Variants in COL6A5 observed in about 807,000 individuals in gnomAD.
COL6A5 encodes the protein collagen type VI alpha 5 chain, also known as collagen alpha-5(VI) chain.
In COL6A5, 48 loss-of-function variants were observed where a neutral mutation model predicts 65.6. The observed-to-expected ratio is 0.73, with a 90% CI of 0.58 to 0.93. COL6A5 has a LOEUF of 0.93. Among genes scored for constraint, COL6A5 ranks in the 40% least tolerant of loss-of-function variants. COL6A5 has a pLI of 0.00. For synonymous variants in COL6A5, 291 were observed against 322.8 expected (o/e 0.90, Z 1.05); for missense variants, 914 against 928.3 (o/e 0.98, Z 0.20).
intron 25 of COL6A5, among the ~76,000 whole-genome samples, chr3:130,419,157 T>C (rs1334456131): frequency 2.6e-5 from 4 of 152,056 alleles, no homozygotes; most frequent in Admixed American, 2.6e-4. Flanking sequence ...GCAGAGAGGA[T>C]AATGGATGAG....
intron 7 of COL6A5, chr3:130,476,825 T>C: frequency 1.6e-6 from 1 of 639,978 alleles, no homozygotes; most frequent in Non-Finnish European, 2.9e-6. Flanking sequence ...ATTTTTCTGT[T>C]GTAATGATAT....
At chr3:130,408,454 G>A (rs944317212) in intron 17 of COL6A5, among the ~76,000 whole-genome samples, 5 of 152,130 alleles carry the variant, frequency 3.3e-5, no homozygotes, top group African/African-American at 1.2e-4. Flanking sequence ...CGCGAACACT[G>A]TTTCCTGTTA....
chr3:130,355,322 GATA>G (rs1193219951), intron 1 of COL6A5, among the ~76,000 whole-genome samples: 17 of 152,098 alleles, frequency 1.1e-4, no homozygotes, highest in African/African-American at 3.1e-4. Context: ...AAATTTAAAA[GATA>G]ATTTCATGAT....
In COL6A5 at chr3:130,395,593, G is replaced by C. The variant is rs1936571744; in HGVS notation, c.3568+128G>C. 9 of 760,104 alleles carry C rather than the reference G, an allele frequency of 1.2e-5. No individual in the cohort carries two copies. In the South Asian group the frequency reaches 1.7e-4, roughly 14 times the overall value. The allele number at this position is 760,104 out of a possible 1,614,324, so 47.1% of individuals were successfully genotyped here. On this transcript the variant is annotated intron_variant and NMD_transcript_variant, in intron 8 of 41. Coordinates refer to the COL6A5 transcript ENST00000312481. ...TATATTTAGTGAGAATATCTCACTT[G>C]TTGTGCAATGAGAAGAGACTTCTCT...
intron 7 of COL6A5, among the ~76,000 whole-genome samples, chr3:130,472,856 T>TATATATATATATATAC (rs752157374): frequency 8.4e-5 from 12 of 143,374 alleles, no homozygotes; most frequent in Non-Finnish European, 1.4e-4. Flanking sequence ...TATATATATA[T>TATATATATATATATAC]ATACACATTT....
intron 3 of COL6A5, among the ~76,000 whole-genome samples, chr3:130,377,854 A>G (rs1935842923): frequency 6.6e-6 from 1 of 152,186 alleles, no homozygotes; most frequent in Non-Finnish European, 1.5e-5. Flanking sequence ...ATAAATACTA[A>G]CCTGAGAAGG....
chr3:130,435,891 T>A (rs1709017568), intron 1 of COL6A5, among the ~76,000 whole-genome samples: 1 of 152,002 alleles, frequency 6.6e-6, no homozygotes, highest in African/African-American at 2.4e-5. Flanking sequence ...ACAGACAACT[T>A]GACTTCCTCT....
intron 7 of COL6A5, among the ~76,000 whole-genome samples, chr3:130,394,108 G>A (rs986373477): frequency 2.0e-5 from 3 of 152,184 alleles, no homozygotes; most frequent in African/African-American, 7.2e-5. Flanking sequence ...TTGGAAATGA[G>A]TATAGAAAGT....
chr3:130,381,421 C>T (rs546379108), intron 4 of COL6A5, among the ~76,000 whole-genome samples: 1 of 151,894 alleles, frequency 6.6e-6, no homozygotes, highest in South Asian at 2.1e-4. Context: ...ATATATAGGC[C>T]AATGTTTTGT....
chr3:130,477,089 A>G, intron 7 of COL6A5: 2 of 1,517,762 alleles, frequency 1.3e-6, no homozygotes, highest in Non-Finnish European at 1.8e-6. Context: ...AGAATTCAGT[A>G]ATTAATCCAA....
In COL6A5 at chr3:130,384,790, C is replaced by T. The variant is rs1033949085; in HGVS notation, c.1301-14C>T. Reference sequence around the variant, plus strand: ...TAGGTTCTCTAATTTACAGAGAATGCACTTCTTTTTCAGGCTGTGTGGATA... The same window carrying T: ...TAGGTTCTCTAATTTACAGAGAATGTACTTCTTTTTCAGGCTGTGTGGATA... On this transcript the variant is annotated splice_polypyrimidine_tract_variant and intron_variant and NMD_transcript_variant, in intron 4 of 41. Coordinates refer to the COL6A5 transcript ENST00000312481. The T allele has an allele frequency of 8.2e-5, 124 of 1,515,728 alleles. No homozygotes were observed. Among genetic ancestry groups the T allele is most frequent in the Non-Finnish European group, 1.1e-4 (120 of 1,131,568 alleles). 93.9% of individuals were successfully genotyped at this position (1,515,728 alleles called of 1,614,324 possible).
intron 5 of COL6A5, among the ~76,000 whole-genome samples, chr3:130,463,937 T>C (rs922107604): frequency 1.3e-5 from 2 of 152,032 alleles, no homozygotes; most frequent in Non-Finnish European, 2.9e-5. Flanking sequence ...TTTTTAGACA[T>C]TTTGTAGATG....
rs976950661 is a variant in COL6A5, at chr3:130,362,239, G to T, written c.-28-11372G>T. On this transcript the variant is annotated intron_variant and NMD_transcript_variant, in intron 1 of 41. Transcript: ENST00000312481. ...CATTTTGAGATAATTTTTGGGAAGGGTGTAAGGTTTCTTTCTCTCTCTCTC... is the reference window on the plus strand; with the variant it reads ...CATTTTGAGATAATTTTTGGGAAGGTTGTAAGGTTTCTTTCTCTCTCTCTC... Among the ~76,000 whole-genome samples the T allele has an allele frequency of 1.3e-4, 12 of 91,230 alleles. 1 individual carries two copies. The highest frequency in any genetic ancestry group is 4.7e-4 in the Admixed American group (4 of 8,532). 59.9% of individuals were successfully genotyped at this position (91,230 alleles called of 152,430 possible).
intron 29 of COL6A5, 101 bp from the exon 30 acceptor site, chr3:130,426,113 C>A: frequency 8.9e-7 from 1 of 1,121,778 alleles, no homozygotes; most frequent in Non-Finnish European, 1.3e-6. Flanking sequence ...ACCAGCTGTG[C>A]TTTTAAGAAA....
intron 28 of COL6A5, 42 bp from the exon 29 acceptor site, chr3:130,423,796 G>C: frequency 1.4e-6 from 2 of 1,440,432 alleles, no homozygotes; most frequent in Non-Finnish European, 1.9e-6. Flanking sequence ...CCCATAGATA[G>C]ACAGTGTTGA....
chr3:130,350,077 C>A (rs1474639015), intron 1 of COL6A5, among the ~76,000 whole-genome samples: 1 of 152,178 alleles, frequency 6.6e-6, no homozygotes, highest in Non-Finnish European at 1.5e-5. Flanking sequence ...CATTGGCTAA[C>A]CTTAGCTACA....
intron 13 of COL6A5, among the ~76,000 whole-genome samples, chr3:130,404,714 C>A (rs1936927712): frequency 6.6e-6 from 1 of 152,210 alleles, no homozygotes; most frequent in South Asian, 2.1e-4. Flanking sequence ...TGGCCATGGG[C>A]AAGGCCTCCT....
chr3:130,426,302 AAC>A (rs1191474284), intron 30 of COL6A5, 53 bp downstream of exon 30: 1 of 1,550,240 alleles, frequency 6.5e-7, no homozygotes, highest in Non-Finnish European at 8.7e-7. Context: ...CTGGGAAATA[AAC>A]ACAGTTACTC....
At chr3:130,454,532 A>G (rs1395783780) in intron 4 of COL6A5, among the ~76,000 whole-genome samples, 1 of 152,208 alleles carries the variant, frequency 6.6e-6, no homozygotes, top group East Asian at 1.9e-4. Context: ...ATCAAATGCA[A>G]ATGCAAACAC....
Sources: gnomAD v4.1 joint callset for allele counts (sites outside exome capture counted in the v4.1 genomes callset) on GRCh38, gnomAD v4.1.1 for gene constraint, MANE v1.5 for transcripts, NCBI Gene and HGNC (gene_info 2026-07-23, HGNC 2026-07-21) for gene names.